Variants in GARNL3 observed in about 807,000 individuals in gnomAD.
The protein encoded by GARNL3 is GTPase activating Rap/RanGAP domain like 3.
Under a neutral mutation model 125.0 loss-of-function variants are expected in GARNL3, and 63 were observed. That is an observed-to-expected ratio of 0.50 (90% CI 0.41 to 0.62). The LOEUF is 0.62. Ranked by LOEUF, GARNL3 falls within the 20% of genes least tolerant of loss-of-function variation. The pLI is 0.00. For missense variants in GARNL3, 994 were observed against 1,244.0 expected, an observed-to-expected ratio of 0.80 and a Z score of 3.02; for synonymous variants, 439 against 457.5, an observed-to-expected ratio of 0.96 and a Z score of 0.52.
At chr9:127,360,024 T>G (rs1031362747) in intron 21 of GARNL3, among the ~76,000 whole-genome samples, 1 of 152,018 alleles carries the variant, frequency 6.6e-6, no homozygotes, top group Non-Finnish European at 1.5e-5. Context: ...AAAATGTATT[T>G]TTGTTGTTGT....
At chr9:127,265,600 C>T (rs1451615763) in intron 1 of GARNL3, among the ~76,000 whole-genome samples, 2 of 151,970 alleles carry the variant, frequency 1.3e-5, no homozygotes, top group African/African-American at 4.8e-5. Flanking sequence ...TGTGTGTTTT[C>T]ATTTTAAAAG....
intron 2 of GARNL3, among the ~76,000 whole-genome samples, chr9:127,254,562 A>G (rs2063462781): frequency 6.6e-6 from 1 of 152,176 alleles, no homozygotes; most frequent in East Asian, 1.9e-4. Flanking sequence ...TGAGATCAGG[A>G]GTTTGAGACC....
chr9:127,326,535 C>T (rs955542908), intron 7 of GARNL3, among the ~76,000 whole-genome samples: 3 of 152,098 alleles, frequency 2.0e-5, no homozygotes, highest in Non-Finnish European at 2.9e-5. Context: ...ACATTGCATG[C>T]CTGTATCAAA....
At position 127,335,239 on chromosome 9, in the gene GARNL3, C is replaced by T; in HGVS notation, c.779C>T (p.Thr260Ile). Residue 260 changes from threonine (T) to isoleucine (I), a missense_variant, in exon 10 of 28, where the codon ACA becomes ATA. Thr to Ile is a moderately conservative substitution (Grantham distance 89). Coordinates refer to ENST00000373387, the MANE Select transcript of GARNL3 (RefSeq NM_032293.5). ...TATTTATATTTTGCAGATGATACCA[C>T]AGGGATACATTCAGTTTATACTGTG... ...RGGLDTKNDTTGIHSVYTVYQ... is the reference protein window; with the variant it reads ...RGGLDTKNDTIGIHSVYTVYQ... 6.2e-7 allele frequency: 1 copy of T among 1,611,126 alleles called. No homozygotes were observed. Among genetic ancestry groups the T allele is most frequent in the Non-Finnish European group, 8.5e-7 (1 of 1,177,292 alleles).
intron 11 of GARNL3, among the ~76,000 whole-genome samples, chr9:127,337,114 A>G (rs1001868833): frequency 1.2e-4 from 19 of 152,192 alleles, no homozygotes; most frequent in African/African-American, 4.6e-4. Flanking sequence ...ACTTTCTTCC[A>G]TGAGGGTAGG....
At chr9:127,351,793 C>A (rs958679435) in intron 17 of GARNL3, among the ~76,000 whole-genome samples, 1 of 152,210 alleles carries the variant, frequency 6.6e-6, no homozygotes, top group Non-Finnish European at 1.5e-5. Flanking sequence ...AATATGCTCT[C>A]GCCCTGTGTT....
chr9:127,383,385 G>C, intron 22 of GARNL3, 53 bp from the exon 23 acceptor site: 2 of 1,087,262 alleles, frequency 1.8e-6, no homozygotes, highest in Non-Finnish European at 1.4e-6. Flanking sequence ...TTTAATTACA[G>C]TCATCTAAGT....
chr9:127,390,802 G>A (rs376661994), intron 27 of GARNL3, 35 bp downstream of exon 27: 1 of 1,602,084 alleles, frequency 6.2e-7, no homozygotes, highest in Non-Finnish European at 8.5e-7. Flanking sequence ...TTGGGGTGGT[G>A]GACCTATGAG....
intron 22 of GARNL3, among the ~76,000 whole-genome samples, chr9:127,367,760 A>G (rs1382989109): frequency 2.6e-5 from 4 of 152,334 alleles, no homozygotes; most frequent in Admixed American, 1.3e-4. Context: ...AAAACTAGAA[A>G]AGCTCGCATA....
At chr9:127,355,503 C>T in intron 20 of GARNL3, 31 bp downstream of exon 20, 1 of 1,602,158 alleles carries the variant, frequency 6.2e-7, no homozygotes, top group Non-Finnish European at 8.6e-7. Context: ...ATTTATCTCC[C>T]AACCAAGTTG....
intron 1 of GARNL3, among the ~76,000 whole-genome samples, chr9:127,284,471 A>G (rs2064189066): frequency 6.6e-6 from 1 of 152,024 alleles, no homozygotes; most frequent in South Asian, 2.1e-4. Flanking sequence ...CAATTATACT[A>G]TCTTTCTAGT....
intron 1 of GARNL3, among the ~76,000 whole-genome samples, chr9:127,277,086 TC>T (rs1564872765): frequency 6.6e-6 from 1 of 152,250 alleles, no homozygotes; most frequent in Non-Finnish European, 1.5e-5. Flanking sequence ...CCAGTGCCCC[TC>T]AAACTTGATT....
At chr9:127,377,194 A>C (rs974702728) in intron 22 of GARNL3, among the ~76,000 whole-genome samples, 6 of 152,240 alleles carry the variant, frequency 3.9e-5, no homozygotes, top group Non-Finnish European at 5.9e-5. Context: ...ATGCTGGTGC[A>C]AGAATAGACA....
intron 19 of GARNL3, 95 bp from the exon 20 acceptor site, chr9:127,355,202 A>G: frequency 2.1e-6 from 2 of 955,102 alleles, no homozygotes; most frequent in South Asian, 3.0e-5. Context: ...GTTATGCTTA[A>G]TTTCCAGGGT....
chr9:127,236,612 A>G (rs2063117494), intron 1 of GARNL3, among the ~76,000 whole-genome samples: 1 of 152,178 alleles, frequency 6.6e-6, no homozygotes, highest in Admixed American at 6.5e-5. Context: ...AACTTTTTGT[A>G]GACAAGGTCT....
chr9:127,262,530 C>T (rs2063614608), upstream of GARNL3, among the ~76,000 whole-genome samples: 1 of 152,238 alleles, frequency 6.6e-6, no homozygotes, highest in Non-Finnish European at 1.5e-5. Context: ...CATGGCCACA[C>T]ATCCTGCAAG....
intron 2 of GARNL3, 137 bp downstream of exon 2, chr9:127,291,379 C>T: frequency 1.4e-6 from 1 of 737,180 alleles, no homozygotes; most frequent in South Asian, 1.7e-5. Flanking sequence ...AGGGAAATGT[C>T]AGTATTCTGG....
Position 127,244,510 on chromosome 9 carries a change from G to C in GARNL3, c.143+1261G>C, listed in dbSNP as rs149290940. 2.8e-3 allele frequency among the ~76,000 whole-genome samples: 419 copies of C among 152,288 alleles called. 1 individual carries two copies. Among genetic ancestry groups the C allele is most frequent in the African/African-American group, 9.5e-3 (396 of 41,554 alleles). On this transcript the variant is annotated intron_variant, in intron 2 of 10. Coordinates refer to the GARNL3 transcript ENST00000439286. ...GTCTGCCCTGCCCCTCCAAAATTCTGAGATCTAGGGTGGGACATAAGAACT... is the reference window on the plus strand; with the variant it reads ...GTCTGCCCTGCCCCTCCAAAATTCTCAGATCTAGGGTGGGACATAAGAACT...
chr9:127,335,365 G>T, intron 10 of GARNL3, 32 bp downstream of exon 10: 1 of 1,459,266 alleles, frequency 6.9e-7, no homozygotes, highest in South Asian at 1.1e-5. Context: ...ATCAAATAGT[G>T]ATGTGAATGT....
Sources: allele counts gnomAD v4.1 joint callset (sites outside exome capture counted in the v4.1 genomes callset), GRCh38; gene constraint gnomAD v4.1.1; transcripts MANE v1.5; gene names NCBI Gene and HGNC (gene_info 2026-07-23, HGNC 2026-07-21).